The following TYW3 variants were observed in gnomAD, a reference collection of about 807,000 sequenced individuals.
TYW3 encodes tRNA wybutosine-synthesizing protein 3 homolog.
A neutral mutation model predicts 23.1 loss-of-function variants in TYW3; 26 were observed. The ratio of observed to expected loss-of-function variants is 1.13; its 90% CI spans 0.83 to 1.56. The LOEUF (loss-of-function observed/expected upper bound fraction) is 1.56. Ranked by LOEUF, TYW3 falls within the 40% of genes most tolerant of loss-of-function variation. The pLI is 0.00. For missense variants in TYW3, 316 were observed against 311.9 expected (o/e 1.01, Z -0.10); for synonymous variants, 102 against 105.7 (o/e 0.97, Z 0.21).
At chr1:74,755,046 TCAC>T (rs879413621) in intron 5 of TYW3, among the ~76,000 whole-genome samples, 22 of 152,326 alleles carry the variant, frequency 1.4e-4, no homozygotes, top group Non-Finnish European at 2.2e-4. Context: ...CATGTGCTTT[TCAC>T]CAACTGTGTA....
rs555522373 is a variant in TYW3, at chr1:74,763,110, T to G, written c.561-784T>G. Among the ~76,000 whole-genome samples the G allele has an allele frequency of 1.2e-4, 18 of 152,244 alleles. No individual in the cohort carries two copies. The Middle Eastern group carries it at 0.01, about 86-fold the overall frequency. ...TGTGTTTTTTGATGGGAATATTCAG[T>G]GTATAGGTGTAGTGATCTCTCTCAA... On this transcript the variant is annotated intron_variant, in intron 5 of 5. Coordinates refer to ENST00000370867, the MANE Select transcript of TYW3 (RefSeq NM_138467.3).
chr1:74,748,102 C>G (rs1648650529), intron 3 of TYW3, among the ~76,000 whole-genome samples: 1 of 151,544 alleles, frequency 6.6e-6, no homozygotes. Context: ...CCTCTACCCA[C>G]TATTTGCTAG....
At chr1:74,739,485 T>TCAGAG (rs1195011811) in intron 3 of TYW3, among the ~76,000 whole-genome samples, 1 of 152,248 alleles carries the variant, frequency 6.6e-6, no homozygotes. Context: ...AAGCTTTCTT[T>TCAGAG]AAGCTAAGAC....
rs28879157 is a variant in TYW3 at position 74,742,350 on chromosome 1, C to T, written c.354+3562C>T. Among the ~76,000 whole-genome samples the T allele has an allele frequency of 1.7e-4, 26 of 152,012 alleles. 1 individual carries two copies. Among genetic ancestry groups the T allele is most frequent in the South Asian group, 4.1e-4 (2 of 4,826 alleles). On this transcript the variant is annotated intron_variant, in intron 3 of 5. Transcript: ENST00000370867. ...TTTTCAATACCCATGTGAACAGTTT[C>T]GTGGAGGGTTTTAAGTATTTTCCAC...
Position 74,752,278 on chromosome 1 carries a change from T to C in TYW3, c.427-14T>C. ...TATCTAAGTCTTCATATCTAAATTG[T>C]TTTTTCCTTGTAGGCTGTCCGGAGT... On this transcript the variant is annotated splice_polypyrimidine_tract_variant and intron_variant, in intron 4 of 5. Coordinates refer to ENST00000370867, the MANE Select transcript of TYW3 (RefSeq NM_138467.3). 5 of 1,582,410 alleles carry C rather than the reference T, an allele frequency of 3.2e-6. No homozygotes were observed. The highest frequency in any genetic ancestry group is 4.3e-6 in the Non-Finnish European group (5 of 1,166,074).
At chr1:74,751,601 C>T (rs1464244656) in intron 4 of TYW3, among the ~76,000 whole-genome samples, 2 of 150,746 alleles carry the variant, frequency 1.3e-5, no homozygotes, top group Non-Finnish European at 2.9e-5. Context: ...ACCTGGGAGG[C>T]GGAGGTTGCT....
rs1388745677 is a variant in TYW3 at position 74,751,868 on chromosome 1, G to C, written c.427-424G>C. Among the ~76,000 whole-genome samples, 10 of 152,274 alleles carry C rather than the reference G, an allele frequency of 6.6e-5. No homozygotes were observed. In the East Asian group the frequency reaches 1.5e-3, roughly 24 times the overall value. ...TCCTGTGTATGATAGAGGAGGCATAGTTTACTCTTGTAACTGTGCTCTGCT... is the reference window on the plus strand; with the variant it reads ...TCCTGTGTATGATAGAGGAGGCATACTTTACTCTTGTAACTGTGCTCTGCT... On this transcript the variant is annotated intron_variant, in intron 4 of 5. Coordinates refer to ENST00000370867, the MANE Select transcript of TYW3 (RefSeq NM_138467.3).
chr1:74,747,636 CAAA>C (rs1213918927), intron 3 of TYW3, among the ~76,000 whole-genome samples: 1 of 62,724 alleles, frequency 1.6e-5, no homozygotes, highest in African/African-American at 6.2e-5. Context: ...GACTCCGTCT[CAAA>C]AAAAAAAAAA....
chr1:74,762,831 C>G (rs1376431836), intron 5 of TYW3, among the ~76,000 whole-genome samples: 1 of 152,052 alleles, frequency 6.6e-6, no homozygotes. Flanking sequence ...CTGCTGCAGG[C>G]TACTGTGTCA....
At chr1:74,738,400 G>A (rs369499677) in intron 2 of TYW3, among the ~76,000 whole-genome samples, 1 of 152,130 alleles carries the variant, frequency 6.6e-6, no homozygotes, top group Non-Finnish European at 1.5e-5. Context: ...ATTTCCTAAT[G>A]AAAAATCCGT....
intron 2 of TYW3, among the ~76,000 whole-genome samples, chr1:74,737,110 C>G (rs1352999381): frequency 6.6e-6 from 1 of 152,184 alleles, no homozygotes; most frequent in African/African-American, 2.4e-5. Context: ...ATCAGCCAGG[C>G]ACTTTTCATT....
chr1:74,753,675 C>G (rs1472103217), intron 5 of TYW3, among the ~76,000 whole-genome samples: 2 of 152,146 alleles, frequency 1.3e-5, no homozygotes, highest in African/African-American at 4.8e-5. Flanking sequence ...ATAATGACTG[C>G]CCTGACCCTG....
intron 3 of TYW3, among the ~76,000 whole-genome samples, chr1:74,740,167 G>A (rs536476275): frequency 6.6e-6 from 1 of 152,332 alleles, no homozygotes; most frequent in African/African-American, 2.4e-5. Flanking sequence ...ATGTTCAGAT[G>A]TGTCCGGAGT....
rs1032808167 is a variant in TYW3 at position 74,766,515 on chromosome 1, G to T, written c.*2402G>T. 6.6e-6 allele frequency: 1 copy of T among 152,060 alleles called. No individual in the cohort carries two copies. Among genetic ancestry groups the T allele is most frequent in the Non-Finnish European group, 1.5e-5 (1 of 68,014 alleles). 9.4% of individuals were successfully genotyped at this position (152,060 alleles called of 1,614,324 possible). A position where few individuals can be genotyped will look rare whatever the true frequency, so the allele number is the denominator to read the frequency against. On this transcript the variant is annotated 3_prime_UTR_variant, in exon 6 of 6. Coordinates refer to ENST00000370867, the MANE Select transcript of TYW3 (RefSeq NM_138467.3). ...AATGTTAAAAAAAATATATAAAAAA[G>T]CTTATAGAATAAGGATATAAAGAAA...
At chr1:74,757,937 A>C (rs1395779690) in intron 5 of TYW3, among the ~76,000 whole-genome samples, 1 of 152,186 alleles carries the variant, frequency 6.6e-6, no homozygotes, top group East Asian at 1.9e-4. Flanking sequence ...CCCCAGCCAC[A>C]TGGAACCATA....
intron 5 of TYW3, among the ~76,000 whole-genome samples, chr1:74,753,086 G>A (rs1241541002): frequency 1.3e-5 from 2 of 152,164 alleles, no homozygotes; most frequent in African/African-American, 4.8e-5. Context: ...TAAATATTAT[G>A]CTGTCTTTCA....
At chr1:74,753,295 T>C (rs1648852067) in intron 5 of TYW3, among the ~76,000 whole-genome samples, 1 of 152,228 alleles carries the variant, frequency 6.6e-6, no homozygotes, top group South Asian at 2.1e-4. Flanking sequence ...CTTTCCTCAT[T>C]CATGACCATC....
intron 2 of TYW3, 67 bp downstream of exon 2, chr1:74,736,689 GA>G (rs1648167264): frequency 7.9e-7 from 1 of 1,266,366 alleles, no homozygotes. Flanking sequence ...CATATGACAA[GA>G]ATAGAAAATT....
At chr1:74,752,198 A>G (rs1648807232) in intron 4 of TYW3, 94 bp from the exon 5 acceptor site, 1 of 1,287,682 alleles carries the variant, frequency 7.8e-7, no homozygotes, top group East Asian at 2.4e-5. Context: ...GAACTAAAGT[A>G]TGTTCAAACA....
Sources: allele counts gnomAD v4.1 joint callset (sites outside exome capture counted in the v4.1 genomes callset), GRCh38; gene constraint gnomAD v4.1.1; transcripts MANE v1.5; gene names NCBI Gene and HGNC (gene_info 2026-07-23, HGNC 2026-07-21).